The following NR3C2 variants were observed in gnomAD, a reference collection of about 807,000 sequenced individuals.
NR3C2 encodes mineralocorticoid receptor.
NR3C2 carries 15 observed loss-of-function variants against 86.4 expected under a neutral mutation model. That is an observed-to-expected ratio of 0.17 (90% CI 0.12 to 0.27). NR3C2 has a LOEUF of 0.27. Ranked by LOEUF, NR3C2 falls within the 10% of genes least tolerant of loss-of-function variation. The pLI, the probability that NR3C2 is intolerant of heterozygous loss-of-function variation, is 1.00. For synonymous variants in NR3C2, 458 were observed against 450.5 expected (o/e 1.02, Z -0.21); for missense variants, 960 against 1,195.6 (o/e 0.80, Z 2.91).
chr4:148,186,837 C>G (rs940221869), intron 4 of NR3C2, among the ~76,000 whole-genome samples: 1 of 151,098 alleles, frequency 6.6e-6, no homozygotes, highest in African/African-American at 2.4e-5. Context: ...TAGCTTAGCT[C>G]CCACATACCA....
intron 6 of NR3C2, among the ~76,000 whole-genome samples, chr4:148,136,746 G>T (rs895942899): frequency 3.3e-5 from 5 of 151,882 alleles, no homozygotes; most frequent in African/African-American, 1.2e-4. Context: ...TCCAAGATTC[G>T]AGGGGTTCTC....
intron 4 of NR3C2, among the ~76,000 whole-genome samples, chr4:148,178,265 A>G (rs1286144187): frequency 6.6e-6 from 1 of 151,282 alleles, no homozygotes; most frequent in Non-Finnish European, 1.5e-5. Flanking sequence ...CGGGAGGCGG[A>G]GGTTTCAGTG....
chr4:148,216,152 A>T (rs1284119207), intron 3 of NR3C2, among the ~76,000 whole-genome samples: 1 of 152,158 alleles, frequency 6.6e-6, no homozygotes, highest in Non-Finnish European at 1.5e-5. Flanking sequence ...CTGTTCCAAT[A>T]AAACTTTATT....
At chr4:148,232,497 G>A (rs976637925) in intron 3 of NR3C2, among the ~76,000 whole-genome samples, 1 of 152,208 alleles carries the variant, frequency 6.6e-6, no homozygotes, top group Admixed American at 6.5e-5. Flanking sequence ...GTGCACAAAT[G>A]TGCTGTCATC....
chr4:148,343,952 C>T (rs17024633), intron 2 of NR3C2, among the ~76,000 whole-genome samples: 13,418 of 152,030 alleles, frequency 0.088, 876 homozygotes, highest in African/African-American at 0.19. Context: ...TGTTGACTCT[C>T]GAGGATAATA....
intron 2 of NR3C2, among the ~76,000 whole-genome samples, chr4:148,351,054 T>A (rs539869383): frequency 6.6e-6 from 1 of 150,430 alleles, no homozygotes; most frequent in African/African-American, 2.4e-5. Flanking sequence ...CTCAAGTGTC[T>A]GTGTTTCAAT....
chr4:148,090,346 GGA>G (rs1731005477), intron 8 of NR3C2, among the ~76,000 whole-genome samples: 2 of 152,206 alleles, frequency 1.3e-5, no homozygotes, highest in Non-Finnish European at 2.9e-5. Flanking sequence ...GGCCATTGGG[GGA>G]CCAGCAAGTG....
intron 8 of NR3C2, among the ~76,000 whole-genome samples, chr4:148,090,886 T>G (rs947520232): frequency 2.0e-5 from 3 of 152,246 alleles, no homozygotes; most frequent in Admixed American, 2.0e-4. Flanking sequence ...GGATGGGACC[T>G]TCGTGCATAA....
intron 6 of NR3C2, among the ~76,000 whole-genome samples, chr4:148,136,488 C>A (rs1386668347): frequency 6.6e-6 from 1 of 151,976 alleles, no homozygotes; most frequent in Non-Finnish European, 1.5e-5. Flanking sequence ...TTGCAGAGAC[C>A]CATCCCCTTT....
intron 4 of NR3C2, among the ~76,000 whole-genome samples, chr4:148,178,374 A>T (rs1735480684): frequency 6.6e-6 from 1 of 151,854 alleles, no homozygotes. Context: ...CATGAAGCTA[A>T]TATTTCGCTT....
chr4:148,386,725 G>A (rs898295492), intron 2 of NR3C2, among the ~76,000 whole-genome samples: 12 of 152,224 alleles, frequency 7.9e-5, no homozygotes, highest in Non-Finnish European at 1.5e-4. Context: ...ACAAATTGCT[G>A]TAATTCAAGA....
intron 6 of NR3C2, among the ~76,000 whole-genome samples, chr4:148,131,083 C>T (rs1291056986): frequency 2.0e-5 from 3 of 152,106 alleles, no homozygotes; most frequent in Non-Finnish European, 2.9e-5. Context: ...CCGCCTGCCT[C>T]GGCCTCCCAA....
intron 2 of NR3C2, among the ~76,000 whole-genome samples, chr4:148,323,347 GC>G (rs1312206657): frequency 6.7e-6 from 1 of 148,986 alleles, no homozygotes; most frequent in Non-Finnish European, 1.5e-5. Flanking sequence ...TCTGTGCCCT[GC>G]CCCCAGAGGT....
chr4:148,097,688 G>A lies in NR3C2; in HGVS notation c.2800-16189C>T, dbSNP rs77438670. On this transcript the variant is annotated intron_variant, in intron 8 of 8. Transcript: ENST00000358102. Reference sequence around the variant, plus strand: ...TATGTGGCCCAGGACGGCTTTGAATGCGGCCCAACACAAATTCATAAACTT... The same window carrying A: ...TATGTGGCCCAGGACGGCTTTGAATACGGCCCAACACAAATTCATAAACTT... Among the ~76,000 whole-genome samples the A allele has an allele frequency of 5.4e-3, 819 of 151,276 alleles. 1 individual carries two copies. The highest frequency in any genetic ancestry group is 0.015 in the East Asian group (79 of 5,156).
chr4:148,101,291 G>C (rs1342015871), intron 8 of NR3C2, among the ~76,000 whole-genome samples: 1 of 152,198 alleles, frequency 6.6e-6, no homozygotes, highest in Non-Finnish European at 1.5e-5. Flanking sequence ...CTGTTGGTAA[G>C]CACTATGAAT....
chr4:148,253,384 G>T (rs1213904542), intron 3 of NR3C2, among the ~76,000 whole-genome samples: 1 of 152,060 alleles, frequency 6.6e-6, no homozygotes, highest in Non-Finnish European at 1.5e-5. Context: ...CAAAAATGGT[G>T]AATCATCAAA....
chr4:148,165,306 G>A (rs546312675), intron 4 of NR3C2, among the ~76,000 whole-genome samples: 62 of 152,216 alleles, frequency 4.1e-4, no homozygotes, highest in South Asian at 1.4e-3. Context: ...AGACTTCTAA[G>A]ACAGCTAAGG....
chr4:148,173,595 T>A (rs1735235080), intron 4 of NR3C2, among the ~76,000 whole-genome samples: 1 of 152,256 alleles, frequency 6.6e-6, no homozygotes, highest in Non-Finnish European at 1.5e-5. Flanking sequence ...TAGCCCAGGC[T>A]GACTCATTTT....
chr4:148,374,368 C>T (rs1746570315), intron 2 of NR3C2, among the ~76,000 whole-genome samples: 2 of 152,158 alleles, frequency 1.3e-5, no homozygotes, highest in Admixed American at 6.5e-5. Context: ...TTGGAAGCAA[C>T]TTCTAAGAAG....
Sources: gnomAD v4.1 joint callset for allele counts (sites outside exome capture counted in the v4.1 genomes callset) on GRCh38, gnomAD v4.1.1 for gene constraint, MANE v1.5 for transcripts, NCBI Gene and HGNC (gene_info 2026-07-23, HGNC 2026-07-21) for gene names.